The following ERMAP variants were observed in gnomAD, a reference collection of about 807,000 sequenced individuals.
The protein encoded by ERMAP is erythroid membrane-associated protein.
Under a neutral mutation model 49.5 loss-of-function variants are expected in ERMAP, and 34 were observed. The ratio of observed to expected loss-of-function variants is 0.69; its 90% CI spans 0.52 to 0.91. The LOEUF is 0.91. Ranked by LOEUF, ERMAP falls within the 40% of genes least tolerant of loss-of-function variation. The pLI is 0.00. For missense variants in ERMAP, 541 were observed against 582.6 expected, an observed-to-expected ratio of 0.93 and a Z score of 0.74; for synonymous variants, 214 against 232.2, an observed-to-expected ratio of 0.92 and a Z score of 0.71.
chr1:42,837,057 G>C (rs1479530114), intron 6 of ERMAP, 101 bp from the exon 7 acceptor site: 2 of 1,204,648 alleles, frequency 1.7e-6, no homozygotes, highest in Admixed American at 3.7e-5. Context: ...TGGAGGTGAA[G>C]ATAGAGGTGG....
chr1:42,842,656 C>T lies in ERMAP; in HGVS notation c.852C>T (p.Gly284=). ...TTGATTTCGTTGTCAGCATCCTAGG[C>T]TCTGAGTACTTCACGACTGGCTGCC... The part of the protein sequence containing the change: ...QRFDFVVSIL[G]SEYFTTGCHY... The change falls in exon 12 of 12, where the codon GGC becomes GGT. Residue 284 remains glycine, a synonymous_variant. Transcript: ENST00000372517. 6.2e-7 allele frequency: 1 copy of T among 1,614,172 alleles called. No homozygotes were observed. The highest frequency in any genetic ancestry group is 8.5e-7 in the Non-Finnish European group (1 of 1,180,032).
intron 7 of ERMAP, 106 bp downstream of exon 7, chr1:42,837,296 C>A: frequency 4.3e-6 from 5 of 1,150,520 alleles, no homozygotes; most frequent in Non-Finnish European, 6.4e-6. Flanking sequence ...TAATACTGTA[C>A]ACACATGCAC....
chr1:42,841,559 A>T (rs1021655287), intron 11 of ERMAP, among the ~76,000 whole-genome samples: 3 of 152,154 alleles, frequency 2.0e-5, no homozygotes, highest in Non-Finnish European at 4.4e-5. Context: ...AATTATAAGT[A>T]ATAATTTTAG....
chr1:42,817,126 T>TCCCTCTC lies in ERMAP; in HGVS notation c.-247_-241dup. On this transcript the variant is annotated 5_prime_UTR_variant, in exon 1 of 12. Transcript: ENST00000372517. ...GGACGGCCCCCGCCTCCTGCCCTCTTCCCTCTCCTGGAGGAAAATGGCGGT... is the reference window on the plus strand; with the variant it reads ...GGACGGCCCCCGCCTCCTGCCCTCTTCCCTCTCCCCTCTCCTGGAGGAAAATGGCGGT... 1 of 1,176,292 alleles carries TCCCTCTC rather than the reference T, an allele frequency of 8.5e-7. No individual in the cohort carries two copies. Among genetic ancestry groups the TCCCTCTC allele is most frequent in the Non-Finnish European group, 1.1e-6 (1 of 927,780 alleles). 72.9% of individuals were successfully genotyped at this position (1,176,292 alleles called of 1,614,324 possible).
Position 42,817,482 on chromosome 1 carries a change from G to C in ERMAP, c.-122+229G>C, listed in dbSNP as rs918897284. ...GCAGGGGCGGAGCCACACCGGGGTG[G>C]GTGGTGGTTACGGCTAACCAAAGCT... On this transcript the variant is annotated intron_variant, in intron 1 of 11. Transcript: ENST00000372517. The C allele has an allele frequency of 1.8e-4, 31 of 170,446 alleles. 1 individual carries two copies. Among genetic ancestry groups the C allele is most frequent in the Non-Finnish European group, 3.5e-4 (28 of 80,314 alleles). 10.6% of individuals were successfully genotyped at this position (170,446 alleles called of 1,614,324 possible).
At position 42,819,170 on chromosome 1, in the gene ERMAP, C is replaced by CGTGTGTGT. The variant is rs145113385; in HGVS notation, c.-122+1947_-122+1954dup. Among the ~76,000 whole-genome samples the CGTGTGTGT allele has an allele frequency of 3.0e-3, 428 of 142,548 alleles. 5 individuals carry two copies. The highest frequency in any genetic ancestry group is 0.011 in the East Asian group (53 of 4,950). The allele number at this position is 142,548 out of a possible 152,430, so 93.5% of individuals were successfully genotyped here. On this transcript the variant is annotated intron_variant, in intron 1 of 11. Transcript: ENST00000372517. The surrounding 1 kb of genome is among the most constrained non-coding windows in gnomAD (Gnocchi z 5.1). ...GGTGAGGAAGAGGATAAGTTAGGAG[C>CGTGTGTGT]GTGTGTGTGTGTGTGTGTGTGTGTG...
chr1:42,839,108 A>G, intron 8 of ERMAP, 187 bp downstream of exon 8: 2 of 807,140 alleles, frequency 2.5e-6, no homozygotes, highest in South Asian at 1.5e-5. Flanking sequence ...TCTTTCCTGC[A>G]CAACTATTAT....
intron 2 of ERMAP, among the ~76,000 whole-genome samples, chr1:42,829,684 AGTT>A (rs1258315248): frequency 6.6e-6 from 1 of 152,158 alleles, no homozygotes; most frequent in Admixed American, 6.5e-5. Context: ...ACTTATGAGC[AGTT>A]GTTCTGCCAG....
chr1:42,838,368 G>T (rs1341316819), intron 7 of ERMAP, among the ~76,000 whole-genome samples: 1 of 152,202 alleles, frequency 6.6e-6, no homozygotes, highest in Admixed American at 6.5e-5. Context: ...AGGGGGAAAT[G>T]TGGGCCACAT....
rs2124373083 is a variant in ERMAP at position 42,844,227 on chromosome 1, T to C, written c.*995T>C. ...GAGAGTATTGATTTCAAATAGGAAG[T>C]TGGTAGACTAGGTGTGAGGATGAAA... is the stretch of plus-strand genomic sequence containing the variant. On this transcript the variant is annotated 3_prime_UTR_variant, in exon 12 of 12. Coordinates refer to ENST00000372517, the MANE Select transcript of ERMAP (RefSeq NM_001017922.2). This position sits in a 1 kb window ranked among gnomAD's most constrained non-coding sequence, Gnocchi z 4.0. 2.5e-6 allele frequency: 1 copy of C among 398,124 alleles called. No homozygotes were observed. Among genetic ancestry groups the C allele is most frequent in the Middle Eastern group, 6.3e-4 (1 of 1,586 alleles). The allele number at this position is 398,124 out of a possible 1,614,324, so 24.7% of individuals were successfully genotyped here. A position where few individuals can be genotyped will look rare whatever the true frequency, so the allele number is the denominator to read the frequency against.
intron 4 of ERMAP, 139 bp downstream of exon 4, chr1:42,831,254 C>A (rs1055632277): frequency 5.5e-5 from 58 of 1,047,178 alleles, no homozygotes; most frequent in Admixed American, 5.4e-5. Flanking sequence ...TCAGCCTTAC[C>A]CAGCCATGTC....
At chr1:42,833,988 A>G (rs1654822605) in intron 4 of ERMAP, among the ~76,000 whole-genome samples, 1 of 152,244 alleles carries the variant, frequency 6.6e-6, no homozygotes. Context: ...GCTACTTAGG[A>G]GACTGAATGC....
intron 1 of ERMAP, among the ~76,000 whole-genome samples, chr1:42,824,067 G>A (rs1207606079): frequency 3.9e-5 from 6 of 152,202 alleles, no homozygotes; most frequent in Non-Finnish European, 1.5e-5. Flanking sequence ...GCACGAGGCC[G>A]GGCGCGGTGG....
At chr1:42,822,631 A>G (rs184429346) in intron 1 of ERMAP, among the ~76,000 whole-genome samples, 3 of 152,308 alleles carry the variant, frequency 2.0e-5, no homozygotes, top group African/African-American at 7.2e-5. Flanking sequence ...GACATTCAGT[A>G]TCCTTTCTTC....
At chr1:42,820,066 T>G (rs2124274949) in intron 1 of ERMAP, among the ~76,000 whole-genome samples, 1 of 152,320 alleles carries the variant, frequency 6.6e-6, no homozygotes, top group African/African-American at 2.4e-5. Flanking sequence ...CTTTCATCCT[T>G]GAGTGACAGA....
At chr1:42,839,024 C>G in intron 8 of ERMAP, 103 bp downstream of exon 8, 2 of 1,590,688 alleles carry the variant, frequency 1.3e-6, no homozygotes, top group Non-Finnish European at 1.7e-6. Context: ...GGAGGGGGTA[C>G]TGGTAATTCA....
At position 42,820,007 on chromosome 1, in the gene ERMAP, T is replaced by C. The variant is rs1200010579; in HGVS notation, c.-122+2754T>C. Among the ~76,000 whole-genome samples the C allele has an allele frequency of 2.0e-5, 3 of 152,346 alleles. No homozygotes were observed. In the East Asian group the frequency reaches 5.8e-4, roughly 29 times the overall value. ...CCACTAACTCCCCAGAAGGGGTTCA[T>C]GGAAGCTAAATTTTTGAGTCCTTGC... On this transcript the variant is annotated intron_variant, in intron 1 of 11. Transcript: ENST00000372517.
intron 11 of ERMAP, 136 bp from the exon 12 acceptor site, chr1:42,842,381 T>C: frequency 1.5e-6 from 1 of 688,602 alleles, no homozygotes; most frequent in African/African-American, 1.8e-5. Context: ...GTACACATGG[T>C]GGGGGCGGGA....
chr1:42,832,519 A>G (rs2124324903), intron 4 of ERMAP, among the ~76,000 whole-genome samples: 1 of 152,102 alleles, frequency 6.6e-6, no homozygotes, highest in East Asian at 1.9e-4. Context: ...GGCATGTGCC[A>G]CCACGCCCGG....
Sources: allele counts gnomAD v4.1 joint callset (sites outside exome capture counted in the v4.1 genomes callset), GRCh38; gene constraint gnomAD v4.1.1; non-coding constraint Gnocchi (gnomAD v3.1); transcripts MANE v1.5; gene names NCBI Gene and HGNC (gene_info 2026-07-23, HGNC 2026-07-21).